The following CSMD1 variants were observed in gnomAD, a reference collection of about 807,000 sequenced individuals.
CSMD1 encodes CUB and Sushi multiple domains 1.
CSMD1 carries 213 observed loss-of-function variants against 417.5 expected under a neutral mutation model. The ratio of observed to expected loss-of-function variants is 0.51; its 90% confidence interval spans 0.46 to 0.57. CSMD1 has a LOEUF of 0.57. CSMD1 is among the 20% of genes least tolerant of loss of function. CSMD1 has a pLI of 0.00. For synonymous variants in CSMD1, 2,862 were observed against 1,736.8 expected (o/e 1.65, Z -16.11); for missense variants, 6,923 against 4,529.7 (o/e 1.53, Z -15.17).
In CSMD1 at chr8:2,937,442, A is replaced by AC. The variant is rs1563162991; in HGVS notation, c.*1142_*1143insG. The AC allele has an allele frequency of 1.3e-5, 1 of 77,668 alleles. No individual in the cohort carries two copies. The highest frequency in any genetic ancestry group is 4.2e-5 in the African/African-American group (1 of 23,544). The allele number at this position is 77,668 out of a possible 1,614,324, so 4.8% of individuals were successfully genotyped here. ...ATCGATGGCACAGTAAAAGACAAAA[A>AC]AAAAAAAAAACAAAAAAAAAACACT... On this transcript the variant is annotated 3_prime_UTR_variant, in exon 70 of 70. Transcript: ENST00000635120.
In CSMD1 at chr8:4,241,697, AT is replaced by A. The variant is rs1348710694; in HGVS notation, c.415+178255del. 1.2e-3 allele frequency among the ~76,000 whole-genome samples: 150 copies of A among 128,848 alleles called. 1 individual carries two copies. The highest frequency in any genetic ancestry group is 3.6e-3 in the African/African-American group (125 of 34,938). 84.5% of individuals were successfully genotyped at this position (128,848 alleles called of 152,430 possible). A position where few individuals can be genotyped will look rare whatever the true frequency, so the allele number is the denominator to read the frequency against. On this transcript the variant is annotated intron_variant, in intron 3 of 69. Transcript: ENST00000635120. ...CAGATAAGAAATGGGATTTGGAGTG[AT>A]TTTTTTTTTCTTTTTTTTTTTTTGA...
At position 3,439,138 on chromosome 8, in the gene CSMD1, AAAAAAAAAAAAAAAC is replaced by A. The variant is rs1308153431; in HGVS notation, c.1562-29548_1562-29534del. ...ACTCCATCTCAAAAAAAAAAAAAAAAAAAAAAAAAAAAAACCAAGAAAAAAAAAAGAAAAAGAAAA... is the reference window on the plus strand; with the variant it reads ...ACTCCATCTCAAAAAAAAAAAAAAAACAAGAAAAAAAAAAGAAAAAGAAAA... On this transcript the variant is annotated intron_variant, in intron 12 of 69. Coordinates refer to ENST00000635120, the MANE Select transcript of CSMD1 (RefSeq NM_033225.6). 3.9e-4 allele frequency among the ~76,000 whole-genome samples: 51 copies of A among 129,584 alleles called. 6 individuals are homozygous for A. The highest frequency in any genetic ancestry group is 1.6e-3 in the African/African-American group (48 of 30,882). 85.0% of individuals were successfully genotyped at this position (129,584 alleles called of 152,430 possible).
chr8:3,219,249 C>T lies in CSMD1; in HGVS notation c.4672+6G>A, dbSNP rs766799928. On this transcript the variant is annotated splice_donor_region_variant and intron_variant, in intron 29 of 69. Transcript: ENST00000635120. ...ATTCCCACTCAAATTCAGGCAATCGCAATACCTTTAAATTCAATGGCGAAC... is the reference window on the plus strand; with the variant it reads ...ATTCCCACTCAAATTCAGGCAATCGTAATACCTTTAAATTCAATGGCGAAC... The T allele has an allele frequency of 1.3e-6, 2 of 1,582,068 alleles. No homozygotes were observed. The highest frequency in any genetic ancestry group is 2.3e-5 in the East Asian group (1 of 43,662).
intron 2 of CSMD1, among the ~76,000 whole-genome samples, chr8:4,564,039 A>G (rs1328178367): frequency 6.6e-6 from 1 of 152,218 alleles, no homozygotes; most frequent in African/African-American, 2.4e-5. Context: ...ATGGAAGCCC[A>G]GTTAGCGAAC....
At chr8:4,672,658 G>C (rs1805400264) in intron 1 of CSMD1, among the ~76,000 whole-genome samples, 1 of 150,932 alleles carries the variant, frequency 6.6e-6, no homozygotes, top group South Asian at 2.1e-4. Context: ...CCAGGTGCTT[G>C]AAAAAGTTTT....
At chr8:4,440,637 A>T (rs1798414238) in intron 2 of CSMD1, among the ~76,000 whole-genome samples, 1 of 152,226 alleles carries the variant, frequency 6.6e-6, no homozygotes, top group African/African-American at 2.4e-5. Flanking sequence ...GATAGGGAAG[A>T]AAAATTGATT....
intron 5 of CSMD1, among the ~76,000 whole-genome samples, chr8:3,855,876 T>A (rs13274005): frequency 6.6e-6 from 1 of 152,072 alleles, no homozygotes; most frequent in South Asian, 2.1e-4. Flanking sequence ...TTTGGAAACA[T>A]TGTCTTATTT....
intron 11 of CSMD1, among the ~76,000 whole-genome samples, chr8:3,480,612 C>G (rs955490398): frequency 3.3e-5 from 5 of 151,950 alleles, no homozygotes; most frequent in African/African-American, 9.7e-5. Flanking sequence ...AAAAATAAAC[C>G]TAAACAAATC....
chr8:3,664,426 C>A (rs1191127984), intron 7 of CSMD1, among the ~76,000 whole-genome samples: 6 of 152,148 alleles, frequency 3.9e-5, no homozygotes, highest in Admixed American at 2.6e-4. Context: ...CTTCCAAAAC[C>A]ATGTTATTCT....
At chr8:4,577,276 C>G (rs1317227036) in intron 2 of CSMD1, among the ~76,000 whole-genome samples, 1 of 152,180 alleles carries the variant, frequency 6.6e-6, no homozygotes, top group Admixed American at 6.5e-5. Flanking sequence ...CTCAGATGGG[C>G]TGACTTCATA....
chr8:4,228,084 G>C (rs886474041), intron 3 of CSMD1, among the ~76,000 whole-genome samples: 8 of 151,836 alleles, frequency 5.3e-5, no homozygotes, highest in Non-Finnish European at 4.4e-5. Flanking sequence ...CCCACACCAG[G>C]AGACACACTC....
At chr8:4,251,141 A>T (rs148542544) in intron 3 of CSMD1, among the ~76,000 whole-genome samples, 3 of 152,204 alleles carry the variant, frequency 2.0e-5, no homozygotes, top group South Asian at 2.1e-4. Flanking sequence ...TAAAAGAGAA[A>T]AGTATAAAGG....
chr8:4,084,453 T>C (rs529074500), intron 3 of CSMD1, among the ~76,000 whole-genome samples: 1 of 152,352 alleles, frequency 6.6e-6, no homozygotes, highest in Admixed American at 6.5e-5. Context: ...CATGATTTTG[T>C]TGTAATTGCT....
intron 5 of CSMD1, among the ~76,000 whole-genome samples, chr8:3,774,459 T>C (rs962540740): frequency 6.6e-6 from 1 of 152,150 alleles, no homozygotes; most frequent in Admixed American, 6.5e-5. Flanking sequence ...AATGTGTGCT[T>C]TGTTGCCTGG....
intron 6 of CSMD1, among the ~76,000 whole-genome samples, chr8:3,714,757 C>A (rs2623572): frequency 0.93 from 140,717 of 151,758 alleles, 65,260 homozygotes; most frequent in Admixed American, 0.95. Flanking sequence ...AACAACAACA[C>A]AAGAATTTTT....
At chr8:4,366,617 C>G (rs923889373) in intron 3 of CSMD1, among the ~76,000 whole-genome samples, 2 of 151,930 alleles carry the variant, frequency 1.3e-5, no homozygotes, top group African/African-American at 2.4e-5. Flanking sequence ...TTATTAACAG[C>G]AATTTTGACT....
intron 3 of CSMD1, among the ~76,000 whole-genome samples, chr8:4,217,160 A>G (rs892588139): frequency 1.3e-5 from 2 of 152,226 alleles, no homozygotes; most frequent in Admixed American, 1.3e-4. Flanking sequence ...AGAAATAACT[A>G]CTGAATACTT....
At chr8:4,466,726 C>T (rs1382942162) in intron 2 of CSMD1, among the ~76,000 whole-genome samples, 1 of 151,992 alleles carries the variant, frequency 6.6e-6, no homozygotes. Flanking sequence ...TGGTGTACAA[C>T]AAATACATAT....
At chr8:4,237,478 A>C (rs1006229488) in intron 3 of CSMD1, among the ~76,000 whole-genome samples, 12 of 152,172 alleles carry the variant, frequency 7.9e-5, no homozygotes, top group Admixed American at 7.9e-4. Context: ...GGAATAAGGT[A>C]ATATGGCTAA....
Sources: gnomAD v4.1 joint callset for allele counts (sites outside exome capture counted in the v4.1 genomes callset) on GRCh38, gnomAD v4.1.1 for gene constraint, MANE v1.5 for transcripts, NCBI Gene and HGNC (gene_info 2026-07-23, HGNC 2026-07-21) for gene names.